The following KLK11 variants were observed in gnomAD, a reference collection of about 807,000 sequenced individuals.
KLK11 encodes the protein kallikrein-11.
In KLK11, 10 loss-of-function variants were observed where a neutral mutation model predicts 23.4. The observed-to-expected ratio is 0.43, with a 90% CI of 0.26 to 0.73. The LOEUF (loss-of-function observed/expected upper bound fraction) is 0.73, where lower values mean the gene tolerates loss of function less well. KLK11 is among the 30% of genes least tolerant of loss of function. The pLI, the probability that KLK11 is intolerant of heterozygous loss-of-function variation, is 0.22. For missense variants in KLK11, 285 were observed against 327.8 expected (o/e 0.87, Z 1.01); for synonymous variants, 131 against 131.7 (o/e 0.99, Z 0.03).
At position 51,024,818 on chromosome 19, in the gene KLK11, A is replaced by C. The variant is rs777368412; in HGVS notation, c.41-24T>G. 6.5e-7 allele frequency: 1 copy of C among 1,536,626 alleles called. No individual in the cohort carries two copies. Among genetic ancestry groups the C allele is most frequent in the Non-Finnish European group, 8.7e-7 (1 of 1,149,618 alleles). On this transcript the variant is annotated intron_variant, in intron 2 of 5. Coordinates refer to ENST00000453757, the MANE Select transcript of KLK11 (RefSeq NM_001136032.3). This position sits in a 1 kb window ranked among gnomAD's most constrained non-coding sequence, Gnocchi z 6.2. ...CCCTGGAGGGGGTGAGAGCAAAAGA[A>C]GGGGCTCAGGAAGGAGAGGTGGTAG...
At chr19:51,026,649 G>T, upstream of KLK11, 13 of 973,540 alleles carry the variant, frequency 1.3e-5, no homozygotes, top group Non-Finnish European at 1.5e-5. Context: ...AGGCAGGCGG[G>T]CTGGCAGGGG....
upstream of KLK11, chr19:51,027,614 G>A (rs77435729): frequency 2.2e-4 from 331 of 1,482,666 alleles, 3 homozygotes; most frequent in African/African-American, 3.6e-3. Context: ...CCCTGACCAG[G>A]TGTGGAGCAA....
rs767312992 is a variant in KLK11 at position 51,024,388 on chromosome 19, G to A, written c.198-78C>T. 6.4e-7 allele frequency: 1 copy of A among 1,569,018 alleles called. No homozygotes were observed. Among genetic ancestry groups the A allele is most frequent in the Non-Finnish European group, 8.6e-7 (1 of 1,158,036 alleles). On this transcript the variant is annotated intron_variant, in intron 3 of 5. Transcript: ENST00000453757. The surrounding 1 kb of genome is among the most constrained non-coding windows in gnomAD (Gnocchi z 6.2). Reference sequence around the variant, plus strand: ...TGGGAGAGGTGAGTGACACCTTTGAGGATGAAGAAACATCGCTCTGCTTCC... The same window carrying A: ...TGGGAGAGGTGAGTGACACCTTTGAAGATGAAGAAACATCGCTCTGCTTCC...
chr19:51,023,651 C>G (rs564344499), intron 4 of KLK11: 2 of 219,306 alleles, frequency 9.1e-6, no homozygotes, highest in East Asian at 2.3e-4. Flanking sequence ...TCCCAAAGTG[C>G]TGGGATTACA....
rs1397067491 is a variant in KLK11 at position 51,024,272 on chromosome 19, T to C, written c.236A>G (p.Lys79Arg). 1.2e-6 allele frequency: 2 copies of C among 1,613,800 alleles called. No homozygotes were observed. The highest frequency in any genetic ancestry group is 2.2e-5 in the South Asian group (2 of 91,064). The change falls in exon 4 of 6, where the codon AAG becomes AGG. Residue 79 changes from lysine (K) to arginine (R), a missense_variant. Physicochemically the swap from Lys to Arg is conservative, Grantham distance 26. Coordinates refer to ENST00000453757, the MANE Select transcript of KLK11 (RefSeq NM_001136032.3). This position sits in a 1 kb window ranked among gnomAD's most constrained non-coding sequence, Gnocchi z 6.2. ...IVHLGQHNLQ[K>R]EEGCEQTRTA... The stretch of plus-strand genomic sequence containing the variant: ...CCGGGTCTGCTCACAGCCCTCCTCC[T>C]TCTGGAGGTTGTGCTGCCCCAGGTG...
At chr19:51,023,785 A>T in intron 4 of KLK11, 2 of 398,946 alleles carry the variant, frequency 5.0e-6, no homozygotes, top group Non-Finnish European at 8.8e-6. Flanking sequence ...AGAGAAGAAA[A>T]TCAAGATTCA....
chr19:51,024,839 G>A lies in KLK11; in HGVS notation c.41-45C>T. The stretch of plus-strand genomic sequence containing the variant: ...AAGAAGGGGCTCAGGAAGGAGAGGT[G>A]GTAGACCAGGAGGACTCCCAGAAAT... On this transcript the variant is annotated intron_variant, in intron 2 of 5. Transcript: ENST00000453757. This position sits in a 1 kb window ranked among gnomAD's most constrained non-coding sequence, Gnocchi z 6.2. 6.7e-7 allele frequency: 1 copy of A among 1,498,976 alleles called. No individual in the cohort carries two copies. Among genetic ancestry groups the A allele is most frequent in the East Asian group, 2.6e-5 (1 of 38,812 alleles). 92.9% of individuals were successfully genotyped at this position (1,498,976 alleles called of 1,614,324 possible).
intron 4 of KLK11, 52 bp downstream of exon 4, chr19:51,023,993 T>C: frequency 7.1e-7 from 1 of 1,401,958 alleles, no homozygotes; most frequent in South Asian, 1.5e-5. Context: ...TCCACAATCC[T>C]GACCACTCCC....
At position 51,024,832 on chromosome 19, in the gene KLK11, G is replaced by C. The variant is rs1213730749; in HGVS notation, c.41-38C>G. ...AGAGCAAAAGAAGGGGCTCAGGAAG[G>C]AGAGGTGGTAGACCAGGAGGACTCC... On this transcript the variant is annotated intron_variant, in intron 2 of 5. Transcript: ENST00000453757. The surrounding 1 kb of genome is among the most constrained non-coding windows in gnomAD (Gnocchi z 6.2). 9 of 1,518,368 alleles carry C rather than the reference G, an allele frequency of 5.9e-6. No homozygotes were observed. Among genetic ancestry groups the C allele is most frequent in the Non-Finnish European group, 7.9e-6 (9 of 1,139,690 alleles). 94.1% of individuals were successfully genotyped at this position (1,518,368 alleles called of 1,614,324 possible). A position where few individuals can be genotyped will look rare whatever the true frequency, so the allele number is the denominator to read the frequency against.
At position 51,025,260 on chromosome 19, in the gene KLK11, C is replaced by T. The variant is rs2091464276; in HGVS notation, c.40+332G>A. On this transcript the variant is annotated intron_variant, in intron 2 of 5. Transcript: ENST00000453757. This position sits in a 1 kb window ranked among gnomAD's most constrained non-coding sequence, Gnocchi z 6.2. ...CTCCAGCCTGGACAATAGAGCAAGA[C>T]TTTGTCTCTGGGAAAAAAAAAAAAG... 6.7e-6 allele frequency among the ~76,000 whole-genome samples: 1 copy of T among 149,090 alleles called. No individual in the cohort carries two copies. Among genetic ancestry groups the T allele is most frequent in the South Asian group, 2.1e-4 (1 of 4,746 alleles).
chr19:51,025,481 TG>T lies in KLK11; in HGVS notation c.40+110del, dbSNP rs1252529231. ...CCACTGCTCCAGTTCAGGTGCCTTA[TG>T]GGTTGTTCTGTAATTTGGAATCAGC... On this transcript the variant is annotated intron_variant, in intron 2 of 5. Coordinates refer to ENST00000453757, the MANE Select transcript of KLK11 (RefSeq NM_001136032.3). The surrounding 1 kb of genome is among the most constrained non-coding windows in gnomAD (Gnocchi z 6.2). 15 of 642,714 alleles carry T rather than the reference TG, an allele frequency of 2.3e-5. No individual in the cohort carries two copies. Among genetic ancestry groups the T allele is most frequent in the African/African-American group, 2.1e-4 (11 of 52,542 alleles). 39.8% of individuals were successfully genotyped at this position (642,714 alleles called of 1,614,324 possible).
rs2250066 is a variant in KLK11 at position 51,025,863 on chromosome 19, C to T, written c.-35-197G>A. 65,212 of 435,576 alleles carry T rather than the reference C, an allele frequency of 0.15. 5,936 individuals are homozygous for T. Among genetic ancestry groups the T allele is most frequent in the African/African-American group, 0.33 (15,920 of 48,780 alleles). 27.0% of individuals were successfully genotyped at this position (435,576 alleles called of 1,614,324 possible). A position where few individuals can be genotyped will look rare whatever the true frequency, so the allele number is the denominator to read the frequency against. On this transcript the variant is annotated intron_variant, in intron 1 of 5. Transcript: ENST00000453757. This position sits in a 1 kb window ranked among gnomAD's most constrained non-coding sequence, Gnocchi z 6.2. The stretch of plus-strand genomic sequence containing the variant: ...ATATATCTTAGGTGTCTAGGGTGGC[C>T]TTGGAGAGGGCCTGGTCACAGCTAG...
rs754081362 is a variant in KLK11 at position 51,022,296 on chromosome 19, G to A, written c.*249C>T. 1.1e-5 allele frequency: 6 copies of A among 538,860 alleles called. No homozygotes were observed. The highest frequency in any genetic ancestry group is 3.8e-5 in the African/African-American group (2 of 52,584). The allele number at this position is 538,860 out of a possible 1,614,324, so 33.4% of individuals were successfully genotyped here. A position where few individuals can be genotyped will look rare whatever the true frequency, so the allele number is the denominator to read the frequency against. ...GGCCAGGAGCTGTCTTTGGGGCTGG[G>A]GATACAACAGAGAACAAACCAGGTG... On this transcript the variant is annotated 3_prime_UTR_variant, in exon 6 of 6. Transcript: ENST00000453757.
rs749057298 is a variant in KLK11, at chr19:51,024,606, C to T, written c.197+32G>A. 11 of 1,467,796 alleles carry T rather than the reference C, an allele frequency of 7.5e-6. No homozygotes were observed. The highest frequency in any genetic ancestry group is 1.4e-5 in the African/African-American group (1 of 70,266). The allele number at this position is 1,467,796 out of a possible 1,614,324, so 90.9% of individuals were successfully genotyped here. A position where few individuals can be genotyped will look rare whatever the true frequency, so the allele number is the denominator to read the frequency against. On this transcript the variant is annotated intron_variant, in intron 3 of 5. Coordinates refer to ENST00000453757, the MANE Select transcript of KLK11 (RefSeq NM_001136032.3). This position sits in a 1 kb window ranked among gnomAD's most constrained non-coding sequence, Gnocchi z 6.2. ...ATCCATCTCCCCATTCCCAGCCCCC[C>T]ACCCCGGCACCGCCCCAGCCCCCGC...
At position 51,025,143 on chromosome 19, in the gene KLK11, G is replaced by C. The variant is rs2091462927; in HGVS notation, c.41-349C>G. 1.3e-5 allele frequency among the ~76,000 whole-genome samples: 2 copies of C among 152,076 alleles called. No individual in the cohort carries two copies. The highest frequency in any genetic ancestry group is 4.1e-4 in the South Asian group (2 of 4,824). ...TAGCCTGGCTTGGTGGCAGGTGCCT[G>C]TGGTCCCAGCTACCGGGGAAGCTGA... is the stretch of plus-strand genomic sequence containing the variant. On this transcript the variant is annotated intron_variant, in intron 2 of 5. Transcript: ENST00000453757. This position sits in a 1 kb window ranked among gnomAD's most constrained non-coding sequence, Gnocchi z 6.2.
Position 51,024,602 on chromosome 19 carries a change from C to G in KLK11, c.197+36G>C. 2 of 1,468,124 alleles carry G rather than the reference C, an allele frequency of 1.4e-6. No homozygotes were observed. The highest frequency in any genetic ancestry group is 1.8e-6 in the Non-Finnish European group (2 of 1,106,572). The allele number at this position is 1,468,124 out of a possible 1,614,324, so 90.9% of individuals were successfully genotyped here. ...CTCCATCCATCTCCCCATTCCCAGC[C>G]CCCCACCCCGGCACCGCCCCAGCCC... On this transcript the variant is annotated intron_variant, in intron 3 of 5. Coordinates refer to ENST00000453757, the MANE Select transcript of KLK11 (RefSeq NM_001136032.3). This position sits in a 1 kb window ranked among gnomAD's most constrained non-coding sequence, Gnocchi z 6.2.
Position 51,024,192 on chromosome 19 carries a change from CT to C in KLK11, c.315del (p.Asp106ThrfsTer9). 1 of 1,614,024 alleles carries C rather than the reference CT, an allele frequency of 6.2e-7. No homozygotes were observed. The highest frequency in any genetic ancestry group is 8.5e-7 in the Non-Finnish European group (1 of 1,179,982). ...ACCAGCATGATGTCATTGCGGTGGT[CT>C]TTGTTGGGGAGGCTGTTGTTGAAGC... ...HPGFNNSLPN[K>X]DHRNDIMLVK... On this transcript the variant is annotated frameshift_variant, in exon 4 of 6. Coordinates refer to ENST00000453757, the MANE Select transcript of KLK11 (RefSeq NM_001136032.3). LOFTEE classifies it high-confidence loss of function. The surrounding 1 kb of genome is among the most constrained non-coding windows in gnomAD (Gnocchi z 6.2).
intron 4 of KLK11, 173 bp downstream of exon 4, chr19:51,023,872 C>A (rs777211053): frequency 3.1e-5 from 17 of 545,218 alleles, no homozygotes; most frequent in Admixed American, 7.0e-5. Context: ...GTCCGTCTGA[C>A]TCCAAGGCCC....
At chr19:51,027,706 C>G (rs1429464304), upstream of KLK11, 1 of 592,490 alleles carries the variant, frequency 1.7e-6, no homozygotes, top group East Asian at 2.9e-5. Context: ...CTATGACTAC[C>G]CTTATGACGT....
Sources: allele counts gnomAD v4.1 joint callset (sites outside exome capture counted in the v4.1 genomes callset), GRCh38; gene constraint gnomAD v4.1.1; non-coding constraint Gnocchi (gnomAD v3.1); transcripts MANE v1.5; gene names NCBI Gene and HGNC (gene_info 2026-07-23, HGNC 2026-07-21).